FNBP4: variants seen among roughly 807,000 people sequenced by gnomAD.
FNBP4 encodes formin-binding protein 4.
In FNBP4, 34 loss-of-function variants were observed where a neutral mutation model predicts 119.3. The observed-to-expected ratio is 0.28, with a 90% CI of 0.22 to 0.38. FNBP4 has a LOEUF of 0.38. FNBP4 is among the 10% of genes least tolerant of loss of function. FNBP4 has a pLI of 1.00. For synonymous variants in FNBP4, 462 were observed against 430.6 expected (o/e 1.07, Z -0.90); for missense variants, 1,112 against 1,228.9 (o/e 0.90, Z 1.42).
chr11:47,723,000 CT>C lies in FNBP4; in HGVS notation c.2780del (p.Lys927ArgfsTer21). ...PPAPKMPPPE[K>X]TKKGRKDKAK... ...CCTTGTCTTTCCTTCCTTTTTTTGT[CT>C]TTTCAGGTGGTGGCATTTTGGGAGC... is the stretch of plus-strand genomic sequence containing the variant. On this transcript the variant is annotated frameshift_variant, in exon 15 of 17. Transcript: ENST00000263773. LOFTEE classifies it high-confidence loss of function. 1 of 1,538,738 alleles carries C rather than the reference CT, an allele frequency of 6.5e-7. No individual in the cohort carries two copies. The highest frequency in any genetic ancestry group is 8.7e-7 in the Non-Finnish European group (1 of 1,144,670).
At chr11:47,723,554 T>C (rs140830316) in intron 14 of FNBP4, among the ~76,000 whole-genome samples, 124 of 152,296 alleles carry the variant, frequency 8.1e-4, no homozygotes, top group African/African-American at 2.6e-3. Flanking sequence ...TGGAAGCATA[T>C]GTGCTGAACG....
At chr11:47,733,535 A>C (rs1307808950) in intron 10 of FNBP4, among the ~76,000 whole-genome samples, 1 of 152,030 alleles carries the variant, frequency 6.6e-6, no homozygotes, top group Non-Finnish European at 1.5e-5. Flanking sequence ...GAGTTTCACC[A>C]TGTTGGTCAG....
intron 15 of FNBP4, 104 bp from the exon 16 acceptor site, chr11:47,720,190 C>G (rs1293744859): frequency 9.4e-7 from 1 of 1,063,882 alleles, no homozygotes; most frequent in Non-Finnish European, 1.3e-6. Flanking sequence ...AAAGAATATG[C>G]ACACTTTAAA....
intron 12 of FNBP4, chr11:47,725,868 C>T: frequency 1.2e-6 from 1 of 808,226 alleles, no homozygotes. Flanking sequence ...GTAGAAGAGA[C>T]ATGAGAAATC....
intron 10 of FNBP4, among the ~76,000 whole-genome samples, chr11:47,733,170 A>T (rs1466523196): frequency 6.6e-6 from 1 of 152,208 alleles, no homozygotes. Flanking sequence ...ATTGGGCTCC[A>T]GTATATTTTA....
intron 3 of FNBP4, 44 bp downstream of exon 3, chr11:47,754,484 A>G (rs1037654000): frequency 6.2e-7 from 1 of 1,600,752 alleles, no homozygotes; most frequent in Non-Finnish European, 8.5e-7. Flanking sequence ...CCAGGTCCCA[A>G]AGTAGCTTCA....
intron 12 of FNBP4, 30 bp downstream of exon 12, chr11:47,731,344 G>C: frequency 6.5e-7 from 1 of 1,527,668 alleles, no homozygotes; most frequent in Non-Finnish European, 8.8e-7. Context: ...AGTCATTTTG[G>C]CTGAATTAGT....
intron 2 of FNBP4, among the ~76,000 whole-genome samples, chr11:47,756,562 T>C (rs2097618833): frequency 6.6e-6 from 1 of 152,164 alleles, no homozygotes; most frequent in Non-Finnish European, 1.5e-5. Flanking sequence ...GTTGTTGTTA[T>C]ACTTTAAGTT....
Position 47,750,898 on chromosome 11 carries a change from G to A in FNBP4, c.906+18C>T, listed in dbSNP as rs1565154586. On this transcript the variant is annotated intron_variant, in intron 6 of 16. Transcript: ENST00000263773. Reference sequence around the variant, plus strand: ...TTAGATCTGAAAATAAACAAATGAGGTAAGTTTCGACACTGACCTTTTTAA... The same window carrying A: ...TTAGATCTGAAAATAAACAAATGAGATAAGTTTCGACACTGACCTTTTTAA... The A allele has an allele frequency of 6.2e-7, 1 of 1,612,514 alleles. No individual in the cohort carries two copies. Among genetic ancestry groups the A allele is most frequent in the Non-Finnish European group, 8.5e-7 (1 of 1,179,594 alleles).
rs2097557480 is a variant in FNBP4 at position 47,722,982 on chromosome 11, T to C, written c.2799A>G (p.Lys933=). The C allele has an allele frequency of 6.5e-7, 1 of 1,530,426 alleles. No individual in the cohort carries two copies. Among genetic ancestry groups the C allele is most frequent in the Admixed American group, 2.2e-5 (1 of 45,902 alleles). The allele number at this position is 1,530,426 out of a possible 1,614,324, so 94.8% of individuals were successfully genotyped here. ...AAAGGGAAATTTATTATACCTTGTC[T>C]TTCCTTCCTTTTTTTGTCTTTTCAG... is the stretch of plus-strand genomic sequence containing the variant. ...PPPEKTKKGR[K]DKAKKSKTKM... Residue 933 remains lysine (K), a synonymous_variant, in exon 15 of 17, where the codon AAA becomes AAG. Transcript: ENST00000263773.
At position 47,752,901 on chromosome 11, in the gene FNBP4, A is replaced by T; in HGVS notation, c.637+15T>A. 1 of 1,590,038 alleles carries T rather than the reference A, an allele frequency of 6.3e-7. No individual in the cohort carries two copies. ...GGATTTTACTTTTCTTTAAAAATCAAAGGATCAAGTTTACCTCCTGCCAGT... is the reference window on the plus strand; with the variant it reads ...GGATTTTACTTTTCTTTAAAAATCATAGGATCAAGTTTACCTCCTGCCAGT... On this transcript the variant is annotated intron_variant, in intron 4 of 16. Transcript: ENST00000263773.
rs1009203351 is a variant in FNBP4 at position 47,726,015 on chromosome 11, A to C, written c.2009-1237T>G. ...CTCATCTGATACTTGCTGTTTTACT[A>C]AGATGTCCTGGTGAGATACCAGGAA... On this transcript the variant is annotated intron_variant, in intron 12 of 16. Transcript: ENST00000263773. 2 of 152,646 alleles carry C rather than the reference A, an allele frequency of 1.3e-5. 1 individual carries two copies. The allele number at this position is 152,646 out of a possible 1,614,324, so 9.5% of individuals were successfully genotyped here.
intron 7 of FNBP4, 115 bp from the exon 8 acceptor site, chr11:47,744,278 C>CT (rs1009890878): frequency 0.12 from 85,553 of 709,248 alleles, no homozygotes; most frequent in East Asian, 0.16. Flanking sequence ...ACAGAAAGCA[C>CT]TTTTTTTTTT....
chr11:47,719,576 A>ATGTGTGTGTGTGTG (rs66711141), intron 16 of FNBP4, among the ~76,000 whole-genome samples: 49 of 147,802 alleles, frequency 3.3e-4, no homozygotes, highest in African/African-American at 1.2e-3. Context: ...TTATGTGTGT[A>ATGTGTGTGTGTGTG]TGTGTGTGTG....
intron 2 of FNBP4, among the ~76,000 whole-genome samples, chr11:47,764,525 GTT>G (rs79041891): frequency 5.1e-5 from 7 of 138,418 alleles, no homozygotes; most frequent in Admixed American, 7.3e-5. Flanking sequence ...TGTTTTGTTT[GTT>G]TTTTTTTTTT....
chr11:47,751,108 C>T, intron 5 of FNBP4, 35 bp downstream of exon 5: 4 of 1,613,460 alleles, frequency 2.5e-6, no homozygotes, highest in Non-Finnish European at 3.4e-6. Flanking sequence ...CTTCAATTTC[C>T]TTCTAGGCAA....
chr11:47,723,460 G>T, intron 14 of FNBP4, 144 bp from the exon 15 acceptor site: 1 of 1,282,578 alleles, frequency 7.8e-7, no homozygotes, highest in Non-Finnish European at 1.0e-6. Flanking sequence ...TTTGCTGGTA[G>T]CAAAATATAT....
At chr11:47,720,296 C>T (rs894436070) in intron 15 of FNBP4, among the ~76,000 whole-genome samples, 3 of 152,052 alleles carry the variant, frequency 2.0e-5, no homozygotes, top group Non-Finnish European at 4.4e-5. Flanking sequence ...AGGCCAGGCG[C>T]GGTGGCTCAA....
Position 47,720,849 on chromosome 11 carries a change from G to T in FNBP4, c.2806-763C>A, listed in dbSNP as rs562107420. On this transcript the variant is annotated intron_variant, in intron 15 of 16. Coordinates refer to ENST00000263773, the MANE Select transcript of FNBP4 (RefSeq NM_015308.5). ...CATATTAGCCGGGGGCGGTGGCGGCGGCGGTGGGCGACTGTAGTCCCAGCT... is the reference window on the plus strand; with the variant it reads ...CATATTAGCCGGGGGCGGTGGCGGCTGCGGTGGGCGACTGTAGTCCCAGCT... Among the ~76,000 whole-genome samples, 9 of 151,928 alleles carry T rather than the reference G, an allele frequency of 5.9e-5. No individual in the cohort carries two copies. In the South Asian group the frequency reaches 1.9e-3, roughly 32 times the overall value.
Sources: gnomAD v4.1 joint callset for allele counts (sites outside exome capture counted in the v4.1 genomes callset) on GRCh38, gnomAD v4.1.1 for gene constraint, MANE v1.5 for transcripts, NCBI Gene and HGNC (gene_info 2026-07-23, HGNC 2026-07-21) for gene names.